The following FERMT3 variants were observed in gnomAD, a reference collection of about 807,000 sequenced individuals.
The protein encoded by FERMT3 is fermitin family homolog 3.
In FERMT3, 33 loss-of-function variants were observed where a neutral mutation model predicts 80.8. The observed-to-expected ratio is 0.41, with a 90% CI of 0.31 to 0.55. FERMT3 has a LOEUF of 0.55. Among genes scored for constraint, FERMT3 ranks in the 20% least tolerant of loss-of-function variants. The pLI, the probability that FERMT3 is intolerant of heterozygous loss-of-function variation, is 0.31. For missense variants in FERMT3, 754 were observed against 908.7 expected (o/e 0.83, Z 2.19); for synonymous variants, 375 against 372.2 (o/e 1.01, Z -0.09).
chr11:64,223,265 G>T, intron 14 of FERMT3, 48 bp from the exon 15 acceptor site: 2 of 1,612,970 alleles, frequency 1.2e-6, no homozygotes, highest in Non-Finnish European at 1.7e-6. Context: ...TGGGGCAGGG[G>T]CTGCTCCCTT....
intron 13 of FERMT3, among the ~76,000 whole-genome samples, chr11:64,221,946 A>G (rs1385721799): frequency 6.9e-6 from 1 of 144,748 alleles, no homozygotes; most frequent in African/African-American, 2.6e-5. Flanking sequence ...AAACAAAACA[A>G]AAAACAAATA....
intron 6 of FERMT3, among the ~76,000 whole-genome samples, chr11:64,214,186 T>TTTTTTG (rs1946502372): frequency 6.7e-6 from 1 of 149,958 alleles, no homozygotes; most frequent in Non-Finnish European, 1.5e-5. Flanking sequence ...TTTTTTTTTT[T>TTTTTTG]GAGATGAGTT....
chr11:64,212,686 C>CTGTGATG (rs1946469390), intron 6 of FERMT3, among the ~76,000 whole-genome samples: 1 of 151,900 alleles, frequency 6.6e-6, no homozygotes, highest in Non-Finnish European at 1.5e-5. Flanking sequence ...CTGCCAGGCT[C>CTGTGATG]TGTGATGTTC....
Position 64,210,819 on chromosome 11 carries a change from T to G in FERMT3, c.369T>G (p.Ala123=). The G allele has an allele frequency of 6.2e-7, 1 of 1,613,178 alleles. No individual in the cohort carries two copies. Among genetic ancestry groups the G allele is most frequent in the South Asian group, 1.1e-5 (1 of 91,092 alleles). Residue 123 remains alanine, a synonymous_variant, in exon 3 of 15, where the codon GCT becomes GCG. Transcript: ENST00000345728. This position sits in a 1 kb window ranked among gnomAD's most constrained non-coding sequence, Gnocchi z 4.3. ...RASFSQPLFQ[A]VAAICRLLSI... ...GCTTCTCCCAGCCCCTCTTCCAGGC[T>G]GTGGCTGCCATCTGCCGCCTCCTCA...
At chr11:64,220,720 T>G in intron 12 of FERMT3, 51 bp downstream of exon 12, 1 of 1,500,210 alleles carries the variant, frequency 6.7e-7, no homozygotes, top group South Asian at 1.2e-5. Context: ...CCCAGAGACC[T>G]CTGACCCCTG....
chr11:64,208,431 A>T (rs1254529043), intron 2 of FERMT3, among the ~76,000 whole-genome samples: 1 of 152,158 alleles, frequency 6.6e-6, no homozygotes, highest in Non-Finnish European at 1.5e-5. Context: ...CCGCTGCTCT[A>T]CCCGCTGCTG....
In FERMT3 at chr11:64,220,515, G is replaced by A. The variant is rs759146290; in HGVS notation, c.1391G>A (p.Ser464Asn). 1.2e-6 allele frequency: 2 copies of A among 1,607,872 alleles called. No homozygotes were observed. Among genetic ancestry groups the A allele is most frequent in the East Asian group, 4.5e-5 (2 of 44,550 alleles). ...ACCATGGCCGACAGCAGCTACACCA[G>A]CGAGGTGCAGGCCATCCTGGCCTTC... ...GRTMADSSYTSEVQAILAFLS... is the reference protein window; with the variant it reads ...GRTMADSSYTNEVQAILAFLS... Residue 464 changes from serine (S) to asparagine (N), a missense_variant, in exon 12 of 15, where the codon AGC becomes AAC. By Grantham distance (46) the Ser-to-Asn change is conservative (BLOSUM62 1). Coordinates refer to ENST00000345728, the MANE Select transcript of FERMT3 (RefSeq NM_031471.6).
At position 64,223,469 on chromosome 11, in the gene FERMT3, A is replaced by G. The variant is rs1946771089; in HGVS notation, c.1969A>G (p.Thr657Ala). The G allele has an allele frequency of 6.2e-7, 1 of 1,610,980 alleles. No homozygotes were observed. Among genetic ancestry groups the G allele is most frequent in the African/African-American group, 1.3e-5 (1 of 74,940 alleles). ...ELDEDLFLQL[T>A]GGHEAF is the part of the protein sequence containing the mutation. ...GGATGAAGACCTCTTCCTGCAGCTC[A>G]CCGGGGGCCATGAGGCCTTCTGAGG... The change falls in exon 15 of 15, where the codon ACC becomes GCC. Residue 657 changes from threonine (T) to alanine (A), a missense_variant. Transcript: ENST00000345728.
At chr11:64,222,514 G>A (rs547798751) in intron 13 of FERMT3, among the ~76,000 whole-genome samples, 17 of 145,942 alleles carry the variant, frequency 1.2e-4, no homozygotes, top group African/African-American at 4.3e-4. Context: ...GCAGTGAGCC[G>A]AGATCGAGCC....
rs1946634329 is a variant in FERMT3 at position 64,219,801 on chromosome 11, G to A, written c.1079+12G>A. On this transcript the variant is annotated intron_variant, in intron 9 of 14. Transcript: ENST00000345728. The surrounding 1 kb of genome is among the most constrained non-coding windows in gnomAD (Gnocchi z 4.0). ...CTCCGAATCTTTCGGTGAGTTGGGG[G>A]CCAGAGTAGGCAGCCCTGCTGGAGG... 1 of 1,613,962 alleles carries A rather than the reference G, an allele frequency of 6.2e-7. No individual in the cohort carries two copies. The highest frequency in any genetic ancestry group is 8.5e-7 in the Non-Finnish European group (1 of 1,180,030).
chr11:64,211,518 C>A lies in FERMT3; in HGVS notation c.683+75C>A. On this transcript the variant is annotated intron_variant, in intron 5 of 14. Coordinates refer to ENST00000345728, the MANE Select transcript of FERMT3 (RefSeq NM_031471.6). The surrounding 1 kb of genome is among the most constrained non-coding windows in gnomAD (Gnocchi z 4.7). ...CCACCCCCTGTCCCGTGTCTGTGCC[C>A]ACCCCAGATCCACACTTCGTTTCCA... 1.3e-6 allele frequency: 2 copies of A among 1,517,342 alleles called. No individual in the cohort carries two copies. The highest frequency in any genetic ancestry group is 8.9e-7 in the Non-Finnish European group (1 of 1,127,164). 94.0% of individuals were successfully genotyped at this position (1,517,342 alleles called of 1,614,324 possible). A position where few individuals can be genotyped will look rare whatever the true frequency, so the allele number is the denominator to read the frequency against.
At chr11:64,214,160 A>ATAAT (rs1349617354) in intron 6 of FERMT3, among the ~76,000 whole-genome samples, 1 of 140,392 alleles carries the variant, frequency 7.1e-6, no homozygotes, top group Non-Finnish European at 1.5e-5. Context: ...TTTGAAGTTC[A>ATAAT]TAATTGCCTT....
rs140165626 is a variant in FERMT3, at chr11:64,223,450, A to T, written c.1950A>T (p.Glu650Asp). The stretch of plus-strand genomic sequence containing the variant: ...GGGCCCGTGGGGAGGAGCTGGATGA[A>T]GACCTCTTCCTGCAGCTCACCGGGG... ...RERARGEELD[E>D]DLFLQLTGGH... The change falls in exon 15 of 15, where the codon GAA becomes GAT. Residue 650 changes from glutamate to aspartate, a missense_variant. Glu to Asp is a conservative substitution (Grantham distance 45). Coordinates refer to ENST00000345728, the MANE Select transcript of FERMT3 (RefSeq NM_031471.6). 2.5e-6 allele frequency: 4 copies of T among 1,612,516 alleles called. No individual in the cohort carries two copies. The African/African-American group carries it at 5.3e-5, about 22-fold the overall frequency.
At chr11:64,207,756 A>G (rs1946346084) in intron 2 of FERMT3, 1 of 540,544 alleles carries the variant, frequency 1.8e-6, no homozygotes, top group Non-Finnish European at 3.3e-6. Flanking sequence ...GATCAGACGC[A>G]GCCACAATCC....
Position 64,211,044 on chromosome 11 carries a change from C to G in FERMT3, c.395-8C>G. 1 of 1,603,586 alleles carries G rather than the reference C, an allele frequency of 6.2e-7. No homozygotes were observed. The highest frequency in any genetic ancestry group is 1.3e-5 in the African/African-American group (1 of 74,622). The stretch of plus-strand genomic sequence containing the variant: ...CCTAGTCCCCGCTGAGACCCTAGCT[C>G]CCCTCAGGCATCCGGCACCCCGAGG... On this transcript the variant is annotated splice_region_variant and splice_polypyrimidine_tract_variant and intron_variant, in intron 3 of 14. Transcript: ENST00000345728. This position sits in a 1 kb window ranked among gnomAD's most constrained non-coding sequence, Gnocchi z 4.7.
intron 6 of FERMT3, among the ~76,000 whole-genome samples, chr11:64,214,929 CAT>C (rs1444041810): frequency 1.3e-5 from 2 of 151,680 alleles, no homozygotes; most frequent in Non-Finnish European, 2.9e-5. Context: ...CAGCCTCCCA[CAT>C]AGCTGGGATT....
At chr11:64,213,416 TAGG>T (rs1414282469) in intron 6 of FERMT3, among the ~76,000 whole-genome samples, 2 of 146,014 alleles carry the variant, frequency 1.4e-5, no homozygotes, top group East Asian at 4.1e-4. Context: ...GCTGGGGTAA[TAGG>T]AGTGTATTTT....
Position 64,211,171 on chromosome 11 carries a change from G to C in FERMT3, c.514G>C (p.Gly172Arg). The change falls in exon 4 of 15, where the codon GGC becomes CGC. Residue 172 changes from glycine (G) to arginine (R), a missense_variant and splice_region_variant. Transcript: ENST00000345728. The surrounding 1 kb of genome is among the most constrained non-coding windows in gnomAD (Gnocchi z 4.7). ...YDLSKVVLAG[G>R]VAPALFRGMP... ...CTTGAGCAAGGTTGTCTTGGCTGGG[G>C]GTGAGTGCAAGTGGGGGTGGGCCTG... 1 of 1,551,336 alleles carries C rather than the reference G, an allele frequency of 6.4e-7. No homozygotes were observed.
Position 64,207,356 on chromosome 11 carries a change from G to T in FERMT3, c.-9G>T. 6.2e-7 allele frequency: 1 copy of T among 1,614,132 alleles called. No individual in the cohort carries two copies. The highest frequency in any genetic ancestry group is 8.5e-7 in the Non-Finnish European group (1 of 1,180,008). ...TCCTTCCACACTCTCTGTAGCAGCA[G>T]CCGCAGCCATGGCGGGGATGAAGAC... On this transcript the variant is annotated 5_prime_UTR_variant, in exon 2 of 15. Transcript: ENST00000345728.
Sources: gnomAD v4.1 joint callset for allele counts (sites outside exome capture counted in the v4.1 genomes callset) on GRCh38, gnomAD v4.1.1 for gene constraint, Gnocchi (gnomAD v3.1) non-coding constraint, MANE v1.5 for transcripts, NCBI Gene and HGNC (gene_info 2026-07-23, HGNC 2026-07-21) for gene names.